The following ARID4A variants were observed in gnomAD, a reference collection of about 807,000 sequenced individuals.
The protein encoded by ARID4A is AT-rich interaction domain 4A, also known as AT-rich interactive domain-containing protein 4A.
In ARID4A, 39 loss-of-function variants were observed where a neutral mutation model predicts 148.6. The ratio of observed to expected loss-of-function variants is 0.26; its 90% CI spans 0.20 to 0.34. The LOEUF (loss-of-function observed/expected upper bound fraction) is 0.34. Ranked by LOEUF, ARID4A falls within the 10% of genes least tolerant of loss-of-function variation. The pLI, the probability that ARID4A is intolerant of heterozygous loss-of-function variation, is 1.00. For synonymous variants in ARID4A, 475 were observed against 481.2 expected (o/e 0.99, Z 0.17); for missense variants, 1,265 against 1,449.1 (o/e 0.87, Z 2.06).
intron 17 of ARID4A, among the ~76,000 whole-genome samples, chr14:58,356,790 C>T (rs1383703121): frequency 6.6e-6 from 1 of 151,580 alleles, no homozygotes; most frequent in Non-Finnish European, 1.5e-5. Flanking sequence ...CAACCTCCGC[C>T]TCCTGGGTTC....
chr14:58,323,052 A>G (rs2033003539), intron 7 of ARID4A, among the ~76,000 whole-genome samples: 1 of 149,290 alleles, frequency 6.7e-6, no homozygotes, highest in African/African-American at 2.5e-5. Context: ...TACCCAGATA[A>G]GTTACCTTAA....
chr14:58,352,501 A>C (rs1343735400), intron 16 of ARID4A, among the ~76,000 whole-genome samples: 1 of 152,210 alleles, frequency 6.6e-6, no homozygotes, highest in Non-Finnish European at 1.5e-5. Context: ...ATTTAAAAAG[A>C]CTGTAACTCT....
At chr14:58,343,317 A>C (rs2034204882) in intron 11 of ARID4A, among the ~76,000 whole-genome samples, 1 of 152,214 alleles carries the variant, frequency 6.6e-6, no homozygotes, top group African/African-American at 2.4e-5. Context: ...ATTATGAATG[A>C]ATGTACTAAA....
chr14:58,299,203 G>T (rs1452715849), intron 1 of ARID4A: 2 of 147,804 alleles, frequency 1.4e-5, no homozygotes, highest in Non-Finnish European at 3.0e-5. Context: ...TCCGCCCCCC[G>T]CCCCCTCCCC....
At chr14:58,335,794 C>T (rs1366518725) in intron 11 of ARID4A, among the ~76,000 whole-genome samples, 1 of 152,176 alleles carries the variant, frequency 6.6e-6, no homozygotes, top group Non-Finnish European at 1.5e-5. Flanking sequence ...CTCTTAACCC[C>T]CTGTCCAATC....
intron 5 of ARID4A, 109 bp from the exon 6 acceptor site, chr14:58,318,433 G>C (rs2032617882): frequency 2.8e-6 from 3 of 1,080,388 alleles, no homozygotes; most frequent in Admixed American, 2.2e-5. Flanking sequence ...TAAAATAATG[G>C]TTCTTACAAA....
intron 23 of ARID4A, among the ~76,000 whole-genome samples, chr14:58,371,490 C>T (rs1247766801): frequency 2.0e-5 from 3 of 152,060 alleles, no homozygotes; most frequent in Admixed American, 2.0e-4. Flanking sequence ...AGAGGAAATC[C>T]TCTGAGTTAA....
chr14:58,301,159 T>C (rs879617449), intron 2 of ARID4A, among the ~76,000 whole-genome samples: 1 of 152,218 alleles, frequency 6.6e-6, no homozygotes, highest in Admixed American at 6.5e-5. Context: ...TAAACAATTA[T>C]GTATTGTTAG....
chr14:58,355,945 C>G (rs1347725260), intron 17 of ARID4A, among the ~76,000 whole-genome samples: 1 of 152,096 alleles, frequency 6.6e-6, no homozygotes, highest in Non-Finnish European at 1.5e-5. Flanking sequence ...AGTCATCTCT[C>G]TAATTAATTA....
chr14:58,349,235 T>G (rs2034518334), intron 15 of ARID4A, among the ~76,000 whole-genome samples: 1 of 152,244 alleles, frequency 6.6e-6, no homozygotes. Context: ...GTGGACATAC[T>G]TTCTTTTCAT....
rs1216617083 is a variant in ARID4A at position 58,347,650 on chromosome 14, T to C, written c.1176T>C (p.Tyr392=). Residue 392 remains tyrosine (Y), a synonymous_variant, in exon 15 of 24, where the codon TAT becomes TAC. Coordinates refer to ENST00000355431, the MANE Select transcript of ARID4A (RefSeq NM_002892.4). ...SYNVKTAYRK[Y]LYGFEEYCRS... Reference sequence around the variant, plus strand: ...AAATGAAATATTGTTTGTTTAGGTATCTCTATGGTTTTGAGGAGTACTGCC... The same window carrying C: ...AAATGAAATATTGTTTGTTTAGGTACCTCTATGGTTTTGAGGAGTACTGCC... The C allele has an allele frequency of 1.9e-6, 3 of 1,571,060 alleles. No individual in the cohort carries two copies. The highest frequency in any genetic ancestry group is 1.9e-5 in the Admixed American group (1 of 54,020).
intron 11 of ARID4A, among the ~76,000 whole-genome samples, chr14:58,338,189 A>T (rs1328591431): frequency 1.3e-5 from 2 of 152,224 alleles, no homozygotes; most frequent in East Asian, 3.8e-4. Context: ...TTAAAAATTC[A>T]ACAGATGTCT....
rs1270161775 is a variant in ARID4A at position 58,364,913 on chromosome 14, C to A, written c.2824C>A (p.Leu942Ile). Residue 942 changes from leucine to isoleucine, a missense_variant, in exon 20 of 24, where the codon CTA becomes ATA. Transcript: ENST00000355431. ...AGCTGAAGAAACTGTAAATATTCCA[C>A]TAAAAGAAGATGAGGATGCAATGCC... ...SPAEETVNIP[L>I]KEDEDAMPLI... The A allele has an allele frequency of 3.7e-6, 6 of 1,613,968 alleles. No homozygotes were observed. Among genetic ancestry groups the A allele is most frequent in the Non-Finnish European group, 5.1e-6 (6 of 1,180,018 alleles).
chr14:58,326,330 G>A (rs1331560465), intron 8 of ARID4A, among the ~76,000 whole-genome samples: 1 of 152,160 alleles, frequency 6.6e-6, no homozygotes, highest in Non-Finnish European at 1.5e-5. Flanking sequence ...CCAGCTACTT[G>A]GGAGGCTGAG....
intron 3 of ARID4A, among the ~76,000 whole-genome samples, chr14:58,303,974 G>C (rs1231064845): frequency 6.6e-6 from 1 of 151,916 alleles, no homozygotes; most frequent in African/African-American, 2.4e-5. Context: ...AGCCAGACAT[G>C]GTGGTGCAAA....
Position 58,318,522 on chromosome 14 carries a change from TTA to T in ARID4A, c.275-18_275-17del, listed in dbSNP as rs767857029. ...TTCATTAGTGTGCATAAATTCTCTG[TTA>T]TCTTTTGCTTATTATAGTGTTTGAT... On this transcript the variant is annotated intron_variant, in intron 5 of 23. Coordinates refer to ENST00000355431, the MANE Select transcript of ARID4A (RefSeq NM_002892.4). 1 of 1,611,764 alleles carries T rather than the reference TTA, an allele frequency of 6.2e-7. No homozygotes were observed.
chr14:58,315,902 T>C (rs2032376039), intron 5 of ARID4A, among the ~76,000 whole-genome samples: 1 of 152,212 alleles, frequency 6.6e-6, no homozygotes, highest in Admixed American at 6.5e-5. Context: ...CATGGTTCTT[T>C]GAGTATGTGC....
chr14:58,312,269 A>G (rs1419721451), intron 5 of ARID4A, among the ~76,000 whole-genome samples: 1 of 146,778 alleles, frequency 6.8e-6, no homozygotes, highest in Non-Finnish European at 1.5e-5. Flanking sequence ...CAGGCTGGAG[A>G]GCAGTGGCGC....
chr14:58,364,078 G>T (rs1221972496), intron 19 of ARID4A, 92 bp from the exon 20 acceptor site: 2 of 672,562 alleles, frequency 3.0e-6, no homozygotes, highest in Non-Finnish European at 2.1e-6. Context: ...CATGATTAAA[G>T]ATTTTTATTG....
Sources: allele counts gnomAD v4.1 joint callset (sites outside exome capture counted in the v4.1 genomes callset), GRCh38; gene constraint gnomAD v4.1.1; transcripts MANE v1.5; gene names NCBI Gene and HGNC (gene_info 2026-07-23, HGNC 2026-07-21).